MCPH1: variants seen among roughly 807,000 people sequenced by gnomAD.
MCPH1 encodes the protein microcephalin.
Under a neutral mutation model 84.5 loss-of-function variants are expected in MCPH1, and 104 were observed. That is an observed-to-expected ratio of 1.23 (90% CI 1.05 to 1.45). The LOEUF (loss-of-function observed/expected upper bound fraction) is 1.45, where lower values mean the gene tolerates loss of function less well. Among genes scored for constraint, MCPH1 ranks in the 40% most tolerant of loss-of-function variants. The pLI, the probability that MCPH1 is intolerant of heterozygous loss-of-function variation, is 0.00. For missense variants in MCPH1, 1,498 were observed against 1,005.7 expected, an observed-to-expected ratio of 1.49 and a Z score of -6.62; for synonymous variants, 514 against 366.8, an observed-to-expected ratio of 1.40 and a Z score of -4.58.
chr8:6,447,961 G>T (rs1284995241), intron 8 of MCPH1, among the ~76,000 whole-genome samples: 1 of 151,924 alleles, frequency 6.6e-6, no homozygotes, highest in Non-Finnish European at 1.5e-5. Context: ...AACAAAGATT[G>T]CTAAGAAGAC....
chr8:6,642,500 C>T (rs1028018428), intron 13 of MCPH1, among the ~76,000 whole-genome samples: 1 of 152,324 alleles, frequency 6.6e-6, no homozygotes. Flanking sequence ...AGAAAGTATG[C>T]TTATTCACTT....
intron 12 of MCPH1, among the ~76,000 whole-genome samples, chr8:6,596,694 C>T (rs748141693): frequency 6.6e-6 from 1 of 152,052 alleles, no homozygotes; most frequent in East Asian, 1.9e-4. Context: ...TTTGTATTGC[C>T]GGAGACCAGC....
At chr8:6,505,318 A>AAAGAATATATATATATTC (rs1813225109) in intron 12 of MCPH1, among the ~76,000 whole-genome samples, 1 of 59,728 alleles carries the variant, frequency 1.7e-5, no homozygotes, top group African/African-American at 9.3e-5. Context: ...TAACATATAT[A>AAAGAATATATATATATTC]TGTTATATAC....
At chr8:6,609,828 C>CTCCCCACA (rs1554476434) in intron 12 of MCPH1, among the ~76,000 whole-genome samples, 1 of 108,744 alleles carries the variant, frequency 9.2e-6, no homozygotes, top group Non-Finnish European at 2.2e-5. Context: ...CGCCCCCCCC[C>CTCCCCACA]CACACACAGA....
At chr8:6,477,369 C>A in intron 9 of MCPH1, 1 of 528,578 alleles carries the variant, frequency 1.9e-6, no homozygotes, top group Non-Finnish European at 3.3e-6. Flanking sequence ...GCTCTTGTAC[C>A]TCATGTCTGG....
At chr8:6,470,012 T>G (rs1807501730) in intron 9 of MCPH1, among the ~76,000 whole-genome samples, 1 of 152,222 alleles carries the variant, frequency 6.6e-6, no homozygotes, top group Admixed American at 6.5e-5. Context: ...GCTTTTCCTG[T>G]TAAGGAAAAG....
intron 10 of MCPH1, among the ~76,000 whole-genome samples, chr8:6,479,298 CATTT>C (rs1808877436): frequency 6.6e-6 from 1 of 151,900 alleles, no homozygotes; most frequent in Non-Finnish European, 1.5e-5. Flanking sequence ...GGAACACCAT[CATTT>C]GGAAGGAAGA....
intron 12 of MCPH1, among the ~76,000 whole-genome samples, chr8:6,587,066 G>A (rs991713297): frequency 6.6e-4 from 100 of 152,144 alleles, no homozygotes; most frequent in African/African-American, 2.4e-3. Flanking sequence ...ACTTCTCGGT[G>A]TTGGAAATTG....
rs376679988 is a variant in MCPH1, at chr8:6,648,408, A to C, written c.*5359A>C. 23 of 152,364 alleles carry C rather than the reference A, an allele frequency of 1.5e-4. No homozygotes were observed. Among genetic ancestry groups the C allele is most frequent in the African/African-American group, 5.5e-4 (23 of 41,580 alleles). 9.4% of individuals were successfully genotyped at this position (152,364 alleles called of 1,614,324 possible). ...TCAGACAGAAAGTAATATGCAGATA[A>C]CAGCCCAGGGGAATCTGGGCAGCAC... On this transcript the variant is annotated 3_prime_UTR_variant, in exon 14 of 14. Coordinates refer to ENST00000344683, the MANE Select transcript of MCPH1 (RefSeq NM_024596.5).
intron 12 of MCPH1, among the ~76,000 whole-genome samples, chr8:6,579,634 ATTAACCCCTTAATCT>A (rs1460510305): frequency 2.8e-4 from 42 of 152,214 alleles, no homozygotes; most frequent in African/African-American, 9.9e-4. Context: ...CAGAAATAAA[ATTAACCCCTTAATCT>A]TATGCTTAAT....
intron 12 of MCPH1, chr8:6,519,940 G>C: frequency 6.2e-7 from 1 of 1,614,094 alleles, no homozygotes; most frequent in South Asian, 1.1e-5. Context: ...GAATACTTCA[G>C]CACAGTCTCT....
chr8:6,478,313 C>G lies in MCPH1; in HGVS notation c.1973+682C>G, dbSNP rs1808742248. On this transcript the variant is annotated intron_variant, in intron 10 of 13. Transcript: ENST00000344683. ...GCTTAGAAATAAAAGCACTGATCATCAAACACCATACATTATATAGTGAAA... is the reference window on the plus strand; with the variant it reads ...GCTTAGAAATAAAAGCACTGATCATGAAACACCATACATTATATAGTGAAA... Among the ~76,000 whole-genome samples the G allele has an allele frequency of 2.6e-5, 4 of 152,068 alleles. No homozygotes were observed. In the East Asian group the frequency reaches 5.8e-4, roughly 22 times the overall value.
chr8:6,462,783 A>C (rs566185222), intron 9 of MCPH1, among the ~76,000 whole-genome samples: 2 of 152,376 alleles, frequency 1.3e-5, no homozygotes, highest in South Asian at 2.1e-4. Flanking sequence ...TAATTAATTG[A>C]GTTGAAACAT....
At chr8:6,495,859 C>T (rs1388982653) in intron 11 of MCPH1, among the ~76,000 whole-genome samples, 2 of 152,184 alleles carry the variant, frequency 1.3e-5, no homozygotes, top group Non-Finnish European at 2.9e-5. Context: ...CAACTACATT[C>T]CTATGGCTTA....
chr8:6,539,732 G>A (rs527877513), intron 12 of MCPH1, among the ~76,000 whole-genome samples: 4 of 152,194 alleles, frequency 2.6e-5, no homozygotes, highest in East Asian at 3.9e-4. Flanking sequence ...GGTTACAGGC[G>A]CACACCACCA....
At chr8:6,464,269 G>GA (rs1160082085) in intron 9 of MCPH1, among the ~76,000 whole-genome samples, 3 of 152,152 alleles carry the variant, frequency 2.0e-5, no homozygotes, top group Non-Finnish European at 2.9e-5. Flanking sequence ...CAGTGGCGGG[G>GA]ATGTGCTCGT....
chr8:6,469,367 G>A (rs542587750), intron 9 of MCPH1, among the ~76,000 whole-genome samples: 1 of 152,192 alleles, frequency 6.6e-6, no homozygotes, highest in African/African-American at 2.4e-5. Flanking sequence ...TCCACAGACT[G>A]AGTCTTTCTG....
chr8:6,451,034 T>G (rs976931691), intron 8 of MCPH1, among the ~76,000 whole-genome samples: 2 of 152,248 alleles, frequency 1.3e-5, no homozygotes, highest in Non-Finnish European at 2.9e-5. Context: ...TTGCAAATTC[T>G]GAGCATTCAA....
At chr8:6,446,204 T>C in intron 8 of MCPH1, 3 of 911,574 alleles carry the variant, frequency 3.3e-6, no homozygotes, top group Non-Finnish European at 3.9e-6. Flanking sequence ...CATATCATTT[T>C]ATTAAAAGTC....
Sources: allele counts gnomAD v4.1 joint callset (sites outside exome capture counted in the v4.1 genomes callset), GRCh38; gene constraint gnomAD v4.1.1; transcripts MANE v1.5; gene names NCBI Gene and HGNC (gene_info 2026-07-23, HGNC 2026-07-21).